Variants in PLXNB2 observed in about 807,000 individuals in gnomAD.
PLXNB2 encodes the protein plexin B2.
Under a neutral mutation model 202.6 loss-of-function variants are expected in PLXNB2, and 85 were observed. The observed-to-expected ratio is 0.42, with a 90% CI of 0.35 to 0.50. The LOEUF (loss-of-function observed/expected upper bound fraction) is 0.50, where lower values mean the gene tolerates loss of function less well. Ranked by LOEUF, PLXNB2 falls within the 20% of genes least tolerant of loss-of-function variation. The pLI is 0.02. For missense variants in PLXNB2, 2,063 were observed against 2,586.2 expected (o/e 0.80, Z 4.39); for synonymous variants, 1,239 against 1,137.6 (o/e 1.09, Z -1.79).
rs753511771 is a variant in PLXNB2 at position 50,282,836 on chromosome 22, C to T, written c.2862G>A (p.Ala954=). Residue 954 remains alanine, a synonymous_variant, in exon 18 of 37, where the codon GCG becomes GCA. Transcript: ENST00000359337. ...AQLQCVTGPQ[A]TRGQMLLEVS... is the part of the protein sequence containing the mutation. ...CCTCCAGAAGCATCTGGCCCCGTGT[C>T]GCCTGGGGGCCAGTGACACACTGGA... 28 of 1,612,726 alleles carry T rather than the reference C, an allele frequency of 1.7e-5. No homozygotes were observed. The highest frequency in any genetic ancestry group is 2.2e-5 in the East Asian group (1 of 44,874).
At position 50,284,337 on chromosome 22, in the gene PLXNB2, C is replaced by A; in HGVS notation, c.2182-124G>T. 1 of 950,258 alleles carries A rather than the reference C, an allele frequency of 1.1e-6. No homozygotes were observed. The highest frequency in any genetic ancestry group is 1.4e-5 in the South Asian group (1 of 72,912). 58.9% of individuals were successfully genotyped at this position (950,258 alleles called of 1,614,324 possible). On this transcript the variant is annotated intron_variant, in intron 12 of 36. Coordinates refer to ENST00000359337, the MANE Select transcript of PLXNB2 (RefSeq NM_012401.4). This position sits in a 1 kb window ranked among gnomAD's most constrained non-coding sequence, Gnocchi z 8.0. The stretch of plus-strand genomic sequence containing the variant: ...CCCAGCCAAGGGCAGCAGGGGAGGC[C>A]TTCAGGTGTCGGAAGTTCGGGAACC...
chr22:50,279,405 G>T (rs949595368), intron 27 of PLXNB2, among the ~76,000 whole-genome samples: 1 of 152,196 alleles, frequency 6.6e-6, no homozygotes, highest in Non-Finnish European at 1.5e-5. Context: ...AGGTGGGGGC[G>T]CCCGGGAAGA....
chr22:50,295,047 G>A (rs2067156661), intron 1 of PLXNB2, among the ~76,000 whole-genome samples: 1 of 152,170 alleles, frequency 6.6e-6, no homozygotes, highest in African/African-American at 2.4e-5. Flanking sequence ...GAGGCCGGGT[G>A]CGGTGGCTCC....
Position 50,289,512 on chromosome 22 carries a change from C to T in PLXNB2, c.1068+5G>A. 2 of 1,604,196 alleles carry T rather than the reference C, an allele frequency of 1.2e-6. No homozygotes were observed. The highest frequency in any genetic ancestry group is 1.7e-6 in the Non-Finnish European group (2 of 1,175,538). On this transcript the variant is annotated splice_donor_5th_base_variant and intron_variant, in intron 3 of 36. Coordinates refer to ENST00000359337, the MANE Select transcript of PLXNB2 (RefSeq NM_012401.4). This position sits in a 1 kb window ranked among gnomAD's most constrained non-coding sequence, Gnocchi z 8.0. The stretch of plus-strand genomic sequence containing the variant: ...GGCCCTGCGAGAACACACTGAGGCC[C>T]ATACCGGCGCGTGGCCGCCGCACTG...
In PLXNB2 at chr22:50,295,973, G is replaced by A. The variant is rs559471332; in HGVS notation, c.-73-1195C>T. Among the ~76,000 whole-genome samples, 4 of 152,144 alleles carry A rather than the reference G, an allele frequency of 2.6e-5. No individual in the cohort carries two copies. In the South Asian group the frequency reaches 6.2e-4, roughly 24 times the overall value. ...AAAAATTAGCCGGGCGTAGTGGTGC[G>A]CGCCTGTAATCCCAACTACTCAGGA... On this transcript the variant is annotated intron_variant, in intron 1 of 36. Coordinates refer to ENST00000359337, the MANE Select transcript of PLXNB2 (RefSeq NM_012401.4).
chr22:50,293,900 C>G (rs1316077714), intron 2 of PLXNB2, among the ~76,000 whole-genome samples: 1 of 152,232 alleles, frequency 6.6e-6, no homozygotes, highest in African/African-American at 2.4e-5. Context: ...CGTGTGCCAC[C>G]AGGGAAAGCC....
rs541618898 is a variant in PLXNB2 at position 50,303,408 on chromosome 22, C to A, written c.-74+4145G>T. On this transcript the variant is annotated intron_variant, in intron 1 of 36. Transcript: ENST00000359337. ...ACAGTGCCCCCAGACGCCAATCTGA[C>A]AGGGGGCCCAATCTGTCTCTGAGCA... is the stretch of plus-strand genomic sequence containing the variant. Among the ~76,000 whole-genome samples the A allele has an allele frequency of 7.9e-5, 12 of 152,320 alleles. No individual in the cohort carries two copies. The East Asian group carries it at 2.3e-3, about 29-fold the overall frequency.
At chr22:50,300,159 C>A (rs1412292135) in intron 1 of PLXNB2, 1 of 628,022 alleles carries the variant, frequency 1.6e-6, no homozygotes, top group Non-Finnish European at 2.0e-6. Flanking sequence ...CTGGGACAAA[C>A]CTCACCAGGC....
chr22:50,291,255 G>T lies in PLXNB2; in HGVS notation c.-13-658C>A, dbSNP rs963272024. The stretch of plus-strand genomic sequence containing the variant: ...AGCCAGCAATCACCCACAGCTCCTC[G>T]CTCGGCCCATGTCACGCCCAGGGCA... On this transcript the variant is annotated intron_variant, in intron 2 of 36. Coordinates refer to ENST00000359337, the MANE Select transcript of PLXNB2 (RefSeq NM_012401.4). The surrounding 1 kb of genome is among the most constrained non-coding windows in gnomAD (Gnocchi z 4.3). Among the ~76,000 whole-genome samples, 3 of 152,154 alleles carry T rather than the reference G, an allele frequency of 2.0e-5. No individual in the cohort carries two copies. Among genetic ancestry groups the T allele is most frequent in the Non-Finnish European group, 4.4e-5 (3 of 68,024 alleles).
intron 24 of PLXNB2, 30 bp downstream of exon 24, chr22:50,280,714 G>GCCCCACCC: frequency 4.6e-6 from 7 of 1,528,870 alleles, no homozygotes; most frequent in Non-Finnish European, 4.4e-6. Flanking sequence ...CCACCTGTGT[G>GCCCCACCC]CCCTCCCGCC....
Position 50,278,417 on chromosome 22 carries a change from C to T in PLXNB2, c.4732+18G>A, listed in dbSNP as rs1266681106. On this transcript the variant is annotated intron_variant, in intron 30 of 36. Coordinates refer to ENST00000359337, the MANE Select transcript of PLXNB2 (RefSeq NM_012401.4). Reference sequence around the variant, plus strand: ...CCACCAGGGGCTGGAAGGAAACGGGCAACAGGGAGGGACTCACGCTCCCCA... The same window carrying T: ...CCACCAGGGGCTGGAAGGAAACGGGTAACAGGGAGGGACTCACGCTCCCCA... The T allele has an allele frequency of 3.2e-6, 5 of 1,561,088 alleles. No homozygotes were observed. The highest frequency in any genetic ancestry group is 4.3e-6 in the Non-Finnish European group (5 of 1,152,050).
rs751202926 is a variant in PLXNB2 at position 50,278,023 on chromosome 22, G to A, written c.4888-10C>T. ...ACTGCTGCAGTGTGCCCTGTGGGGGGGAGGGTCTCAGCGTGACGCCGTGGG... is the reference window on the plus strand; with the variant it reads ...ACTGCTGCAGTGTGCCCTGTGGGGGAGAGGGTCTCAGCGTGACGCCGTGGG... On this transcript the variant is annotated splice_polypyrimidine_tract_variant and intron_variant, in intron 31 of 36. Coordinates refer to ENST00000359337, the MANE Select transcript of PLXNB2 (RefSeq NM_012401.4). 2.5e-6 allele frequency: 4 copies of A among 1,610,116 alleles called. No homozygotes were observed. The highest frequency in any genetic ancestry group is 2.2e-5 in the East Asian group (1 of 44,828).
In PLXNB2 at chr22:50,284,003, C is replaced by A. The variant is rs1345147454; in HGVS notation, c.2264-13G>T. ...TTGTAGAGGGTCACTGCGGGGAGAG[C>A]TGCCGTCAGTGGTCACCCCGTGCCT... On this transcript the variant is annotated splice_polypyrimidine_tract_variant and intron_variant, in intron 13 of 36. Coordinates refer to ENST00000359337, the MANE Select transcript of PLXNB2 (RefSeq NM_012401.4). The surrounding 1 kb of genome is among the most constrained non-coding windows in gnomAD (Gnocchi z 8.0). 2.6e-6 allele frequency: 4 copies of A among 1,534,020 alleles called. No homozygotes were observed. Among genetic ancestry groups the A allele is most frequent in the Non-Finnish European group, 3.5e-6 (4 of 1,144,086 alleles).
intron 8 of PLXNB2, 28 bp from the exon 9 acceptor site, chr22:50,286,315 A>C (rs2066453644): frequency 8.4e-6 from 13 of 1,554,942 alleles, no homozygotes; most frequent in Non-Finnish European, 7.1e-6. Context: ...GGAGGTGTCA[A>C]GGTGGCGGCC....
chr22:50,289,005 G>T lies in PLXNB2; in HGVS notation c.1206C>A (p.Asn402Lys). The change falls in exon 4 of 37, where the codon AAC (asparagine) becomes AAA (lysine). Residue 402 changes from asparagine (N) to lysine (K), a missense_variant. Physicochemically the swap from Asn to Lys is moderately conservative, Grantham distance 94. Coordinates refer to ENST00000359337, the MANE Select transcript of PLXNB2 (RefSeq NM_012401.4). This position sits in a 1 kb window ranked among gnomAD's most constrained non-coding sequence, Gnocchi z 8.0. ...AGGTGCCCAGAAAAGCAACAGTGTG[G>T]TTGTTCTCGGCGGCGACCGTCACGG... ...LTAVTVAAEN[N>K]HTVAFLGTSD... is the part of the protein sequence containing the mutation. 6.2e-7 allele frequency: 1 copy of T among 1,610,798 alleles called. No individual in the cohort carries two copies. Among genetic ancestry groups the T allele is most frequent in the Non-Finnish European group, 8.5e-7 (1 of 1,178,368 alleles).
intron 33 of PLXNB2, among the ~76,000 whole-genome samples, 177 bp from the exon 34 acceptor site, chr22:50,277,083 G>C (rs1223979896): frequency 6.6e-6 from 1 of 152,206 alleles, no homozygotes; most frequent in Non-Finnish European, 1.5e-5. Flanking sequence ...GAGGCAGGCA[G>C]ATCACCTGAG....
At position 50,281,021 on chromosome 22, in the gene PLXNB2, C is replaced by T. The variant is rs759646023; in HGVS notation, c.3764-48G>A. The T allele has an allele frequency of 5.7e-6, 9 of 1,592,466 alleles. No individual in the cohort carries two copies. In the South Asian group the frequency reaches 6.6e-5, roughly 12 times the overall value. ...CGTCCCTGGCCACGTGGGGCCCTGA[C>T]CCCCACGCTACACACAGCATCCCCG... On this transcript the variant is annotated intron_variant, in intron 23 of 36. Coordinates refer to ENST00000359337, the MANE Select transcript of PLXNB2 (RefSeq NM_012401.4).
At position 50,284,364 on chromosome 22, in the gene PLXNB2, C is replaced by T; in HGVS notation, c.2182-151G>A. 1.3e-6 allele frequency: 1 copy of T among 781,708 alleles called. No homozygotes were observed. The highest frequency in any genetic ancestry group is 2.1e-6 in the Non-Finnish European group (1 of 466,580). 48.4% of individuals were successfully genotyped at this position (781,708 alleles called of 1,614,324 possible). A position where few individuals can be genotyped will look rare whatever the true frequency, so the allele number is the denominator to read the frequency against. On this transcript the variant is annotated intron_variant, in intron 12 of 36. Coordinates refer to ENST00000359337, the MANE Select transcript of PLXNB2 (RefSeq NM_012401.4). This position sits in a 1 kb window ranked among gnomAD's most constrained non-coding sequence, Gnocchi z 8.0. ...TCAGGTGTCGGAAGTTCGGGAACCC[C>T]ATGGACGCTGCTCTGTGCCACTCTG...
intron 1 of PLXNB2, among the ~76,000 whole-genome samples, chr22:50,295,604 G>C (rs1395861112): frequency 6.6e-6 from 1 of 152,164 alleles, no homozygotes; most frequent in Non-Finnish European, 1.5e-5. Context: ...TACCCACAGG[G>C]AGGCACAGAC....
Sources: allele counts gnomAD v4.1 joint callset (sites outside exome capture counted in the v4.1 genomes callset), GRCh38; gene constraint gnomAD v4.1.1; non-coding constraint Gnocchi (gnomAD v3.1); transcripts MANE v1.5; gene names NCBI Gene and HGNC (gene_info 2026-07-23, HGNC 2026-07-21).